ROS1: variants seen among roughly 807,000 people sequenced by gnomAD.
ROS1 encodes ROS proto-oncogene 1, receptor tyrosine kinase, also known as proto-oncogene tyrosine-protein kinase ROS.
ROS1 carries 263 observed loss-of-function variants against 273.5 expected under a neutral mutation model. The observed-to-expected ratio is 0.96, with a 90% CI of 0.87 to 1.06. ROS1 has a LOEUF of 1.06. ROS1 is among the 50% of genes least tolerant of loss of function. ROS1 has a pLI of 0.00. For missense variants in ROS1, 2,833 were observed against 2,751.1 expected, an observed-to-expected ratio of 1.03 and a Z score of -0.67; for synonymous variants, 1,008 against 954.1, an observed-to-expected ratio of 1.06 and a Z score of -1.04.
intron 1 of ROS1, among the ~76,000 whole-genome samples, chr6:117,420,069 A>T (rs1231585803): frequency 6.6e-6 from 1 of 152,102 alleles, no homozygotes; most frequent in Non-Finnish European, 1.5e-5. Context: ...GAATCATCTC[A>T]GCAACCCTAT....
chr6:117,360,582 T>C (rs1007432074), intron 22 of ROS1, among the ~76,000 whole-genome samples, 177 bp from the exon 23 acceptor site: 4 of 152,162 alleles, frequency 2.6e-5, no homozygotes, highest in Non-Finnish European at 5.9e-5. Flanking sequence ...GAAAAAATAT[T>C]GCTCTATATT....
At chr6:117,298,462 A>G (rs1774425116) in intron 43 of ROS1, among the ~76,000 whole-genome samples, 2 of 152,204 alleles carry the variant, frequency 1.3e-5, no homozygotes, top group Admixed American at 1.3e-4. Flanking sequence ...ATGTTTTTCT[A>G]TCTTAGGAAC....
intron 17 of ROS1, among the ~76,000 whole-genome samples, chr6:117,379,743 G>A (rs1303830286): frequency 2.0e-5 from 3 of 152,100 alleles, no homozygotes; most frequent in African/African-American, 7.2e-5. Flanking sequence ...AACTTCTCAG[G>A]TGATTCCAAC....
At chr6:117,383,167 T>C (rs1562342059) in intron 17 of ROS1, 150 bp downstream of exon 17, 1 of 530,914 alleles carries the variant, frequency 1.9e-6, no homozygotes, top group Admixed American at 3.3e-5. Flanking sequence ...TTTTTTCAAA[T>C]AACAGAAAAC....
At position 117,289,452 on chromosome 6, in the gene ROS1, G is replaced by C. The variant is rs112352451; in HGVS notation, c.6716-650C>G. Among the ~76,000 whole-genome samples the C allele has an allele frequency of 8.1e-3, 1,235 of 152,234 alleles. 19 individuals carry two copies. Among genetic ancestry groups the C allele is most frequent in the African/African-American group, 0.028 (1,174 of 41,532 alleles). On this transcript the variant is annotated intron_variant, in intron 43 of 43. Coordinates refer to ENST00000368507, the MANE Select transcript of ROS1 (RefSeq NM_001378902.1). ...TGAGGAAAATACCATAATTTCAAAA[G>C]ACTAAGGGAGGTACCAGTGTACCTA...
Position 117,418,454 on chromosome 6 carries a change from T to C in ROS1, c.168+8A>G, listed in dbSNP as rs1450879340. On this transcript the variant is annotated splice_region_variant and intron_variant, in intron 2 of 43. Transcript: ENST00000368507. ...GTAATATTCTTGACAACTGAAGAAA[T>C]TACTTACCGGTTCACTCAGATTATG... is the stretch of plus-strand genomic sequence containing the variant. 1 of 1,585,894 alleles carries C rather than the reference T, an allele frequency of 6.3e-7. No individual in the cohort carries two copies. The highest frequency in any genetic ancestry group is 8.6e-7 in the Non-Finnish European group (1 of 1,164,772).
rs1779012416 is a variant in ROS1 at position 117,353,100 on chromosome 6, C to T, written c.4193G>A (p.Ser1398Asn). The T allele has an allele frequency of 1.2e-6, 2 of 1,614,040 alleles. No homozygotes were observed. The highest frequency in any genetic ancestry group is 1.7e-6 in the Non-Finnish European group (2 of 1,179,926). The change falls in exon 27 of 44, where the codon AGC (serine) becomes AAC (asparagine). Residue 1398 changes from serine to asparagine, a missense_variant. Coordinates refer to ENST00000368507, the MANE Select transcript of ROS1 (RefSeq NM_001378902.1). ...TTTCTTTGCCTGATAAATCTGTGTG[C>T]TGTCCTTTGCTGTGATGATCCAGTA... Reference protein sequence around the residue: ...LIYWIITAKDSTQIYQAKKGN... With the variant: ...LIYWIITAKDNTQIYQAKKGN...
chr6:117,417,160 T>C (rs559638144), intron 2 of ROS1, among the ~76,000 whole-genome samples: 1 of 152,290 alleles, frequency 6.6e-6, no homozygotes, highest in South Asian at 2.1e-4. Context: ...ATCCACTGGC[T>C]CATTAGATGT....
chr6:117,319,961 G>A lies in ROS1; in HGVS notation c.5829C>T (p.Leu1943=), dbSNP rs1205662571. Residue 1943 remains leucine, a synonymous_variant, in exon 37 of 44, where the codon CTC becomes CTT. Coordinates refer to ENST00000368507, the MANE Select transcript of ROS1 (RefSeq NM_001378902.1). The part of the protein sequence containing the change: ...AFPREKLTLR[L]LLGSGAFGEV... ...CTCCAAAGGCTCCACTTCCCAGCAA[G>A]AGACGCAGAGTCAGTTTTTCCCGAG... is the stretch of plus-strand genomic sequence containing the variant. The A allele has an allele frequency of 1.5e-5, 25 of 1,613,368 alleles. No individual in the cohort carries two copies. Among genetic ancestry groups the A allele is most frequent in the Non-Finnish European group, 1.9e-5 (23 of 1,179,652 alleles).
chr6:117,349,906 A>G (rs1236472460), intron 27 of ROS1, among the ~76,000 whole-genome samples: 1 of 152,010 alleles, frequency 6.6e-6, no homozygotes, highest in Non-Finnish European at 1.5e-5. Context: ...CACTGCTGTG[A>G]TTCATTTTGC....
At chr6:117,374,360 A>G (rs1023278746) in intron 18 of ROS1, among the ~76,000 whole-genome samples, 2 of 152,220 alleles carry the variant, frequency 1.3e-5, no homozygotes, top group African/African-American at 4.8e-5. Flanking sequence ...AAAGCAAACA[A>G]AAACTAAAGT....
chr6:117,425,374 C>T (rs56064213), intron 1 of ROS1, among the ~76,000 whole-genome samples, 160 bp downstream of exon 1: 7,651 of 152,272 alleles, frequency 0.05, 308 homozygotes, highest in Non-Finnish European at 0.072. Context: ...ATTATAAGGG[C>T]TCCTAACTTA....
chr6:117,327,097 C>T (rs1776694841), intron 33 of ROS1, among the ~76,000 whole-genome samples: 1 of 152,198 alleles, frequency 6.6e-6, no homozygotes, highest in Admixed American at 6.5e-5. Context: ...AGGTCTGAAA[C>T]TTTTCAGACC....
intron 31 of ROS1, among the ~76,000 whole-genome samples, chr6:117,339,185 C>T (rs1419685765): frequency 1.3e-5 from 2 of 152,084 alleles, no homozygotes; most frequent in East Asian, 3.9e-4. Flanking sequence ...CGTAAACTTT[C>T]TTTAAACATT....
In ROS1 at chr6:117,357,855, A is replaced by T. The variant is rs369902845; in HGVS notation, c.3788T>A (p.Ile1263Asn). ...HKVKYPREVK[I>N]HNRNSTIISF... The stretch of plus-strand genomic sequence containing the variant: ...AATTATTGTTGAATTCCTATTGTGA[A>T]TCTTCACCTCTCTGGGATATTTCAC... The change falls in exon 25 of 44, where the codon ATT (isoleucine) becomes AAT (asparagine). Residue 1263 changes from isoleucine to asparagine, a missense_variant. Physicochemically the swap from Ile to Asn is moderately radical, Grantham distance 149. Transcript: ENST00000368507. The T allele has an allele frequency of 6.2e-7, 1 of 1,613,510 alleles. No individual in the cohort carries two copies. Among genetic ancestry groups the T allele is most frequent in the Middle Eastern group, 1.7e-4 (1 of 6,038 alleles).
At chr6:117,382,077 T>A (rs1446062348) in intron 17 of ROS1, among the ~76,000 whole-genome samples, 1 of 152,162 alleles carries the variant, frequency 6.6e-6, no homozygotes, top group African/African-American at 2.4e-5. Flanking sequence ...ACTCTTGAGA[T>A]AATATTATCA....
At position 117,300,193 on chromosome 6, in the gene ROS1, C is replaced by T. The variant is rs748204545; in HGVS notation, c.6715+781G>A. ...CTCTTGATCTCCTGACCTCATGATC[C>T]GCCCGCCTCGGCCTCCCAAACTGCT... On this transcript the variant is annotated intron_variant, in intron 43 of 43. Coordinates refer to ENST00000368507, the MANE Select transcript of ROS1 (RefSeq NM_001378902.1). Among the ~76,000 whole-genome samples the T allele has an allele frequency of 1.1e-3, 167 of 146,246 alleles. 3 individuals carry two copies. The highest frequency in any genetic ancestry group is 1.2e-3 in the Non-Finnish European group (84 of 67,202).
chr6:117,366,387 T>C (rs1274130239), intron 18 of ROS1, 97 bp from the exon 19 acceptor site: 12 of 798,334 alleles, frequency 1.5e-5, no homozygotes, highest in South Asian at 2.9e-5. Flanking sequence ...TGAGTATCTG[T>C]ACGCATTTGT....
At chr6:117,374,393 C>T (rs563266126) in intron 18 of ROS1, among the ~76,000 whole-genome samples, 1 of 152,232 alleles carries the variant, frequency 6.6e-6, no homozygotes, top group African/African-American at 2.4e-5. Flanking sequence ...CCCTATTCAA[C>T]AAATGGTGCT....
Sources: gnomAD v4.1 joint callset for allele counts (sites outside exome capture counted in the v4.1 genomes callset) on GRCh38, gnomAD v4.1.1 for gene constraint, MANE v1.5 for transcripts, NCBI Gene and HGNC (gene_info 2026-07-23, HGNC 2026-07-21) for gene names.